The following MYO16 variants were observed in gnomAD, a reference collection of about 807,000 sequenced individuals.
The protein encoded by MYO16 is myosin XVI, also known as unconventional myosin-XVI.
A neutral mutation model predicts 205.3 loss-of-function variants in MYO16; 94 were observed. That is an observed-to-expected ratio of 0.46 (90% CI 0.39 to 0.54). The LOEUF (loss-of-function observed/expected upper bound fraction) is 0.54. Ranked by LOEUF, MYO16 falls within the 20% of genes least tolerant of loss-of-function variation. The probability of loss-of-function intolerance (pLI) is 0.00; values close to 1 mark genes in which losing one functional copy is unlikely to be tolerated. For synonymous variants in MYO16, 988 were observed against 954.0 expected (o/e 1.04, Z -0.66); for missense variants, 2,315 against 2,387.5 (o/e 0.97, Z 0.63).
rs113539929 is a variant in MYO16 at position 109,109,018 on chromosome 13, T to TA, written c.3438+8134dup. Reference sequence around the variant, plus strand: ...TAAGGAGAAAAACTGAGAGAATTAATAAAGAATTGAGTTCTGGGGAGGCAA... The same window carrying TA: ...TAAGGAGAAAAACTGAGAGAATTAATAAAAGAATTGAGTTCTGGGGAGGCAA... On this transcript the variant is annotated intron_variant, in intron 28 of 34. Coordinates refer to ENST00000457511, the MANE Select transcript of MYO16 (RefSeq NM_001198950.3). Among the ~76,000 whole-genome samples the TA allele has an allele frequency of 2.6e-3, 392 of 152,248 alleles. 2 individuals are homozygous for TA. Among genetic ancestry groups the TA allele is most frequent in the African/African-American group, 7.9e-3 (329 of 41,536 alleles).
chr13:108,714,144 T>C (rs532654392), intron 3 of MYO16, among the ~76,000 whole-genome samples: 491 of 152,156 alleles, frequency 3.2e-3, no homozygotes, highest in Non-Finnish European at 5.5e-3. Flanking sequence ...GCAAGCTCCG[T>C]CTCCTGGTTC....
At chr13:108,937,232 G>GT (rs1201709307) in intron 16 of MYO16, among the ~76,000 whole-genome samples, 3 of 152,096 alleles carry the variant, frequency 2.0e-5, no homozygotes, top group Non-Finnish European at 2.9e-5. Flanking sequence ...GCCTGATGGG[G>GT]TTCCCCCTTT....
intron 27 of MYO16, among the ~76,000 whole-genome samples, chr13:109,076,702 G>A (rs889475058): frequency 2.9e-4 from 44 of 152,152 alleles, no homozygotes; most frequent in African/African-American, 1.0e-3. Context: ...TAAGAGAGTG[G>A]GGTGGACCTC....
At chr13:108,547,258 C>A in the MYO16 span, among the ~76,000 whole-genome samples, 1 of 139,960 alleles carries the variant, frequency 7.1e-6, no homozygotes, top group African/African-American at 2.8e-5. Context: ...GCCAACAGAG[C>A]AAGACTCTGT....
chr13:108,587,097 A>C, the MYO16 span, among the ~76,000 whole-genome samples: 1 of 152,204 alleles, frequency 6.6e-6, no homozygotes, highest in Admixed American at 6.5e-5. Context: ...CATCTTCCTG[A>C]CTGACTGAAA....
chr13:109,018,760 G>A (rs536484833), intron 22 of MYO16, among the ~76,000 whole-genome samples: 38 of 152,200 alleles, frequency 2.5e-4, no homozygotes, highest in African/African-American at 8.7e-4. Flanking sequence ...GAAATCCCCC[G>A]ACCCCTTGCA....
Position 109,046,941 on chromosome 13 carries a change from T to C in MYO16, c.2822T>C (p.Ile941Thr), listed in dbSNP as rs780221027. 9.9e-6 allele frequency: 16 copies of C among 1,611,804 alleles called. No homozygotes were observed. Among genetic ancestry groups the C allele is most frequent in the East Asian group, 2.2e-5 (1 of 44,796 alleles). The change falls in exon 24 of 35, where the codon ATT becomes ACT. Residue 941 changes from isoleucine (I) to threonine (T), a missense_variant. This residue lies in a region of MYO16 where 1,213 missense variants were observed against 1,274.4 expected (regional missense o/e 0.95). Transcript: ENST00000457511. ...GRVMYDVVGAIEKNKDSLSQN... is the reference protein window; with the variant it reads ...GRVMYDVVGATEKNKDSLSQN... ...GTAATGTATGATGTTGTTGGGGCGA[T>C]TGAAAAAAATAAAGACTCCCTTTCA... is the stretch of plus-strand genomic sequence containing the variant.
chr13:109,157,878 C>T (rs1416549706), intron 32 of MYO16, among the ~76,000 whole-genome samples: 2 of 152,124 alleles, frequency 1.3e-5, no homozygotes, highest in African/African-American at 4.8e-5. Context: ...CTTGCACTTA[C>T]CCGGTCGTCA....
chr13:108,701,723 C>T (rs1323301445), intron 2 of MYO16, among the ~76,000 whole-genome samples: 2 of 151,980 alleles, frequency 1.3e-5, no homozygotes, highest in Non-Finnish European at 2.9e-5. Flanking sequence ...GAATCTGTGT[C>T]TGAGAGAGCC....
chr13:108,956,356 C>A (rs773206570), intron 16 of MYO16, among the ~76,000 whole-genome samples: 1 of 152,084 alleles, frequency 6.6e-6, no homozygotes. Context: ...TTCACCACTG[C>A]TGGCCTCTCA....
the MYO16 span, among the ~76,000 whole-genome samples, chr13:108,554,031 G>T: frequency 6.6e-6 from 1 of 152,138 alleles, no homozygotes; most frequent in African/African-American, 2.4e-5. Context: ...CCTCCATGTT[G>T]CTAAACCGTG....
intron 16 of MYO16, among the ~76,000 whole-genome samples, chr13:108,921,426 T>C (rs1041787019): frequency 6.6e-6 from 1 of 151,610 alleles, no homozygotes. Flanking sequence ...CATAAAATGC[T>C]CTCTTATCAG....
At chr13:108,830,347 C>T (rs1301468487) in intron 9 of MYO16, among the ~76,000 whole-genome samples, 1 of 141,790 alleles carries the variant, frequency 7.1e-6, no homozygotes, top group East Asian at 2.0e-4. Context: ...ATAGCAAAGA[C>T]CTGGAACCAA....
intron 2 of MYO16, among the ~76,000 whole-genome samples, chr13:108,679,193 G>T (rs369583143): frequency 1.3e-5 from 2 of 152,216 alleles, no homozygotes; most frequent in African/African-American, 4.8e-5. Context: ...CCCAGATTCT[G>T]CATGGATCAC....
intron 4 of MYO16, among the ~76,000 whole-genome samples, chr13:108,775,519 T>TA (rs1886095975): frequency 6.6e-6 from 1 of 151,958 alleles, no homozygotes; most frequent in Admixed American, 6.6e-5. Flanking sequence ...GAGTTTTGGT[T>TA]TTTTTTAAAT....
the MYO16 span, among the ~76,000 whole-genome samples, chr13:108,542,998 C>T: frequency 4.7e-4 from 72 of 151,758 alleles, no homozygotes; most frequent in Non-Finnish European, 7.4e-4. Flanking sequence ...TGAATACAAA[C>T]GGAGAAAACA....
intron 15 of MYO16, 119 bp from the exon 16 acceptor site, chr13:108,909,884 G>T (rs1881176052): frequency 9.6e-7 from 1 of 1,045,528 alleles, no homozygotes; most frequent in Non-Finnish European, 1.4e-6. Context: ...AATGTAAATA[G>T]ATGGGAAAGG....
chr13:108,739,231 C>T (rs1029651285), intron 4 of MYO16, among the ~76,000 whole-genome samples: 3 of 152,110 alleles, frequency 2.0e-5, no homozygotes, highest in Non-Finnish European at 4.4e-5. Flanking sequence ...TTCCTAGCAT[C>T]GATGGTCTTT....
rs541508847 is a variant in MYO16, at chr13:109,032,097, C to T, written c.2796+12186C>T. 9.9e-5 allele frequency among the ~76,000 whole-genome samples: 15 copies of T among 152,222 alleles called. No individual in the cohort carries two copies. In the East Asian group the frequency reaches 2.5e-3, roughly 26 times the overall value. ...GCTTTTCTGGGCGTCTTAGGGGGAC[C>T]GACTTTCCCAGGTGTGGGTGATGCT... On this transcript the variant is annotated intron_variant, in intron 23 of 34. Transcript: ENST00000457511.
Sources: gnomAD v4.1 joint callset for allele counts (sites outside exome capture counted in the v4.1 genomes callset) on GRCh38, gnomAD v4.1.1 for gene constraint, gnomAD v4.1.1 regional missense constraint, MANE v1.5 for transcripts, NCBI Gene and HGNC (gene_info 2026-07-23, HGNC 2026-07-21) for gene names.